The following ASAH1 variants were observed in gnomAD, a reference collection of about 807,000 sequenced individuals.
ASAH1 encodes the protein acid ceramidase.
Under a neutral mutation model 59.5 loss-of-function variants are expected in ASAH1, and 70 were observed. That is an observed-to-expected ratio of 1.18 (90% confidence interval 0.97 to 1.43). The LOEUF is 1.43. Ranked by LOEUF, ASAH1 falls within the 40% of genes most tolerant of loss-of-function variation. ASAH1 has a pLI of 0.00. For missense variants in ASAH1, 660 were observed against 482.5 expected (o/e 1.37, Z -3.45); for synonymous variants, 213 against 166.5 (o/e 1.28, Z -2.15).
At chr8:18,058,760 G>A in intron 13 of ASAH1, 75 bp downstream of exon 13, 2 of 1,316,792 alleles carry the variant, frequency 1.5e-6, no homozygotes, top group Middle Eastern at 1.9e-4. Flanking sequence ...ACTGATCAAA[G>A]ATAACAGAGA....
intron 10 of ASAH1, chr8:18,060,457 A>C (rs1473548987): frequency 6.6e-6 from 1 of 152,508 alleles, no homozygotes; most frequent in Non-Finnish European, 1.5e-5. Context: ...CTTACTGTCC[A>C]TGCCTTTCAC....
chr8:18,058,404 ATTTTTTT>A (rs574203286), intron 13 of ASAH1: 25 of 164,942 alleles, frequency 1.5e-4, no homozygotes, highest in Non-Finnish European at 2.8e-4. Context: ...AACTTTTTGC[ATTTTTTT>A]AAAACTACAG....
intron 2 of ASAH1, 68 bp from the exon 3 acceptor site, chr8:18,071,458 T>A: frequency 9.8e-7 from 1 of 1,020,698 alleles, no homozygotes; most frequent in Non-Finnish European, 1.5e-6. Context: ...TAGATACATC[T>A]ATAAGAATAT....
intron 2 of ASAH1, chr8:18,073,369 A>G (rs1800255006): frequency 1.7e-6 from 2 of 1,187,054 alleles, no homozygotes; most frequent in Non-Finnish European, 2.4e-6. Flanking sequence ...ACTTCACTGC[A>G]AACAAGAAAT....
chr8:18,066,667 C>G (rs1347007291), intron 5 of ASAH1: 1 of 152,362 alleles, frequency 6.6e-6, no homozygotes, highest in Non-Finnish European at 1.5e-5. Flanking sequence ...AACTGTTTGG[C>G]AGAATCTATA....
At chr8:18,077,060 C>G (rs1800431894) in intron 1 of ASAH1, among the ~76,000 whole-genome samples, 1 of 152,182 alleles carries the variant, frequency 6.6e-6, no homozygotes, top group African/African-American at 2.4e-5. Flanking sequence ...ACTTCAGTCT[C>G]AACTGTGAAC....
chr8:18,073,419 C>G, intron 2 of ASAH1: 1 of 874,752 alleles, frequency 1.1e-6, no homozygotes, highest in African/African-American at 1.7e-5. Flanking sequence ...TTGCAATGTC[C>G]ATGCCATTCA....
At chr8:18,066,785 C>A (rs993460376) in intron 5 of ASAH1, 7 of 183,908 alleles carry the variant, frequency 3.8e-5, no homozygotes, top group African/African-American at 1.6e-4. Flanking sequence ...TTTATAATTC[C>A]TTTATTGTTA....
rs1304580189 is a variant in ASAH1, at chr8:18,083,837, C to A, written c.78+144G>T. 9 of 1,488,540 alleles carry A rather than the reference C, an allele frequency of 6.0e-6. No homozygotes were observed. The Admixed American group carries it at 6.2e-5, about 10-fold the overall frequency. 92.2% of individuals were successfully genotyped at this position (1,488,540 alleles called of 1,614,324 possible). On this transcript the variant is annotated intron_variant, in intron 1 of 13. Transcript: ENST00000637790. ...TCGCCAGCCCGCTCTGCACCCACAC[C>A]CCTGTGCACGAAACCACAGACCCCC...
intron 6 of ASAH1, chr8:18,064,116 G>C (rs954561223): frequency 1.5e-5 from 7 of 471,100 alleles, no homozygotes; most frequent in African/African-American, 1.2e-4. Flanking sequence ...CAGATGTCAT[G>C]ACATACACGA....
intron 13 of ASAH1, 186 bp downstream of exon 13, chr8:18,058,649 T>G: frequency 1.6e-6 from 1 of 614,234 alleles, no homozygotes; most frequent in Non-Finnish European, 2.9e-6. Flanking sequence ...CAAGCCTCAG[T>G]GATCAATTTC....
chr8:18,076,855 G>A (rs1800423582), intron 1 of ASAH1, among the ~76,000 whole-genome samples: 1 of 152,176 alleles, frequency 6.6e-6, no homozygotes, highest in African/African-American at 2.4e-5. Flanking sequence ...TATAAAGTAG[G>A]TTGACATTAC....
At chr8:18,084,223 G>T (rs1308253048), upstream of ASAH1, 7 of 1,495,706 alleles carry the variant, frequency 4.7e-6, no homozygotes, top group Non-Finnish European at 6.2e-6. Flanking sequence ...GGGAGGAGAG[G>T]ACGGGGCTTT....
intron 2 of ASAH1, among the ~76,000 whole-genome samples, chr8:18,072,527 G>C (rs1397993301): frequency 6.7e-6 from 1 of 150,188 alleles, no homozygotes; most frequent in East Asian, 2.0e-4. Context: ...TTCGATTTTG[G>C]AAATGTACAT....
chr8:18,077,614 G>T (rs1375704922), intron 1 of ASAH1, among the ~76,000 whole-genome samples: 1 of 152,138 alleles, frequency 6.6e-6, no homozygotes, highest in East Asian at 1.9e-4. Context: ...TTCTTTAATT[G>T]ATATTGATGT....
intron 2 of ASAH1, among the ~76,000 whole-genome samples, chr8:18,074,234 T>C (rs1004224962): frequency 1.3e-5 from 2 of 152,188 alleles, no homozygotes; most frequent in African/African-American, 4.8e-5. Context: ...GCCAGAATGA[T>C]GCCAGTGATG....
intron 2 of ASAH1, 83 bp downstream of exon 2, chr8:18,075,458 T>C (rs571466300): frequency 7.4e-7 from 1 of 1,346,442 alleles, no homozygotes; most frequent in East Asian, 2.3e-5. Context: ...TTATTCACTA[T>C]CGTTCGTTTA....
At chr8:18,057,720 GTTAT>G (rs1000935424) in intron 13 of ASAH1, 97 bp from the exon 14 acceptor site, 5 of 699,370 alleles carry the variant, frequency 7.1e-6, no homozygotes, top group African/African-American at 1.9e-5. Flanking sequence ...TGCTTTAGAA[GTTAT>G]TTAATATTAA....
At chr8:18,083,924 T>C in intron 1 of ASAH1, 57 bp downstream of exon 1, 1 of 1,561,740 alleles carries the variant, frequency 6.4e-7, no homozygotes, top group Non-Finnish European at 8.6e-7. Context: ...CACCTGCGCC[T>C]CCATCCGCGC....
Sources: allele counts gnomAD v4.1 joint callset (sites outside exome capture counted in the v4.1 genomes callset), GRCh38; gene constraint gnomAD v4.1.1; transcripts MANE v1.5; gene names NCBI Gene and HGNC (gene_info 2026-07-23, HGNC 2026-07-21).